USP34: variants seen among roughly 807,000 people sequenced by gnomAD.
The protein encoded by USP34 is ubiquitin carboxyl-terminal hydrolase 34.
USP34 carries 70 observed loss-of-function variants against 460.3 expected under a neutral mutation model. The ratio of observed to expected loss-of-function variants is 0.15; its 90% CI spans 0.13 to 0.19. The LOEUF (loss-of-function observed/expected upper bound fraction) is 0.19. USP34 is among the 10% of genes least tolerant of loss of function. The pLI is 1.00. For missense variants in USP34, 3,985 were observed against 4,236.2 expected (o/e 0.94, Z 1.65); for synonymous variants, 1,647 against 1,405.3 (o/e 1.17, Z -3.85).
intron 68 of USP34, among the ~76,000 whole-genome samples, chr2:61,212,617 A>G (rs1687300495): frequency 6.6e-6 from 1 of 152,218 alleles, no homozygotes; most frequent in African/African-American, 2.4e-5. Context: ...ACATGTCAGG[A>G]GAGGACTGCT....
At chr2:61,245,670 G>A (rs978322418) in intron 50 of USP34, among the ~76,000 whole-genome samples, 3 of 151,858 alleles carry the variant, frequency 2.0e-5, no homozygotes, top group African/African-American at 7.3e-5. Flanking sequence ...ACATTCAAAT[G>A]GATAAAAAAA....
chr2:61,231,114 G>T (rs1160865253), intron 58 of USP34, among the ~76,000 whole-genome samples: 2 of 152,176 alleles, frequency 1.3e-5, no homozygotes, highest in Non-Finnish European at 2.9e-5. Flanking sequence ...ATCCTGAAAA[G>T]ATTGTTAAAT....
intron 41 of USP34, among the ~76,000 whole-genome samples, chr2:61,268,719 T>C (rs1689127606): frequency 6.6e-6 from 1 of 152,080 alleles, no homozygotes; most frequent in African/African-American, 2.4e-5. Flanking sequence ...CTAAAAACAT[T>C]ATGTAAATAA....
intron 29 of USP34, among the ~76,000 whole-genome samples, chr2:61,297,233 T>G (rs1464666162): frequency 6.6e-6 from 1 of 152,202 alleles, no homozygotes; most frequent in Non-Finnish European, 1.5e-5. Context: ...TCTAACAAAT[T>G]TCAATATGAC....
At chr2:61,395,042 A>G in intron 4 of USP34, 40 bp from the exon 5 acceptor site, 2 of 1,547,552 alleles carry the variant, frequency 1.3e-6, no homozygotes, top group Non-Finnish European at 1.7e-6. Context: ...TTGAAAACGT[A>G]CAAATAATTT....
chr2:61,268,330 T>C (rs1414090144), intron 41 of USP34, among the ~76,000 whole-genome samples: 5 of 149,116 alleles, frequency 3.4e-5, no homozygotes, highest in Non-Finnish European at 5.9e-5. Context: ...GGAGGTGAGG[T>C]CTAGTGAGAG....
chr2:61,388,048 T>C (rs571274919), intron 5 of USP34, among the ~76,000 whole-genome samples: 1 of 151,996 alleles, frequency 6.6e-6, no homozygotes, highest in Admixed American at 6.6e-5. Context: ...TGGAGGATGC[T>C]TGAGCTCAGG....
chr2:61,291,135 G>C (rs1229699951), intron 33 of USP34, among the ~76,000 whole-genome samples: 2 of 152,082 alleles, frequency 1.3e-5, no homozygotes, highest in African/African-American at 4.8e-5. Flanking sequence ...AATTAAAAGT[G>C]GGCAATGGAT....
intron 70 of USP34, chr2:61,207,814 G>A (rs974931881): frequency 6.6e-6 from 1 of 150,560 alleles, no homozygotes; most frequent in Non-Finnish European, 1.5e-5. Flanking sequence ...ATATTTCTTT[G>A]CCTCAGTGCT....
At chr2:61,265,120 T>C in intron 43 of USP34, 1 of 257,476 alleles carries the variant, frequency 3.9e-6, no homozygotes. Flanking sequence ...TCCCAGTGAA[T>C]GCGTTTTTAC....
intron 39 of USP34, 51 bp from the exon 40 acceptor site, chr2:61,278,494 C>A: frequency 7.5e-7 from 1 of 1,325,712 alleles, no homozygotes; most frequent in Non-Finnish European, 1.0e-6. Context: ...TTATGTTTTA[C>A]CAAACATAAA....
At chr2:61,214,748 A>G in intron 67 of USP34, 54 bp from the exon 68 acceptor site, 2 of 1,562,738 alleles carry the variant, frequency 1.3e-6, no homozygotes, top group Non-Finnish European at 1.7e-6. Context: ...AAATAGACTG[A>G]ACAGCAGTCA....
intron 1 of USP34, among the ~76,000 whole-genome samples, chr2:61,463,374 C>A (rs1695663785): frequency 6.6e-6 from 1 of 152,110 alleles, no homozygotes; most frequent in South Asian, 2.1e-4. Context: ...GAAAAAGATT[C>A]TTATTCAGCT....
intron 67 of USP34, among the ~76,000 whole-genome samples, chr2:61,216,240 T>C (rs1558470779): frequency 6.6e-6 from 1 of 152,224 alleles, no homozygotes; most frequent in Non-Finnish European, 1.5e-5. Flanking sequence ...AAACCTGGCA[T>C]GTAGGTATCA....
chr2:61,228,445 C>G (rs181058475), intron 61 of USP34, among the ~76,000 whole-genome samples, 200 bp downstream of exon 61: 3 of 152,288 alleles, frequency 2.0e-5, no homozygotes, highest in Admixed American at 2.0e-4. Context: ...AATGAATGAA[C>G]TTCATTACCT....
chr2:61,245,120 G>C (rs1688384972), intron 51 of USP34, 90 bp downstream of exon 51: 6 of 847,428 alleles, frequency 7.1e-6, no homozygotes, highest in Non-Finnish European at 1.1e-5. Flanking sequence ...GCAATTAAAA[G>C]AAAGTTAAGC....
intron 1 of USP34, among the ~76,000 whole-genome samples, chr2:61,426,303 T>C (rs903593205): frequency 6.6e-6 from 1 of 152,118 alleles, no homozygotes; most frequent in African/African-American, 2.4e-5. Flanking sequence ...TGGGTGTCCC[T>C]AATTCTAAGA....
intron 70 of USP34, chr2:61,207,464 C>T (rs995668136): frequency 4.6e-5 from 7 of 152,740 alleles, no homozygotes; most frequent in Admixed American, 3.9e-4. Context: ...CAGTTCACTA[C>T]AGCTTACACA....
chr2:61,405,254 A>AAAAAAAG (rs1558575556), intron 3 of USP34, among the ~76,000 whole-genome samples: 6 of 97,414 alleles, frequency 6.2e-5, no homozygotes, highest in Non-Finnish European at 1.0e-4. Context: ...AAAAAAAAAA[A>AAAAAAAG]AAAGAAAGAA....
Sources: allele counts gnomAD v4.1 joint callset (sites outside exome capture counted in the v4.1 genomes callset), GRCh38; gene constraint gnomAD v4.1.1; transcripts MANE v1.5; gene names NCBI Gene and HGNC (gene_info 2026-07-23, HGNC 2026-07-21).